ARHGAP42: variants seen among roughly 807,000 people sequenced by gnomAD.
ARHGAP42 encodes Rho GTPase activating protein 42.
In ARHGAP42, 63 loss-of-function variants were observed where a neutral mutation model predicts 125.0. The observed-to-expected ratio is 0.50, with a 90% CI of 0.41 to 0.62. The LOEUF is 0.62. Ranked by LOEUF, ARHGAP42 falls within the 20% of genes least tolerant of loss-of-function variation. The pLI is 0.00. For missense variants in ARHGAP42, 766 were observed against 1,024.2 expected, an observed-to-expected ratio of 0.75 and a Z score of 3.44; for synonymous variants, 339 against 351.0, an observed-to-expected ratio of 0.97 and a Z score of 0.38.
intron 1 of ARHGAP42, among the ~76,000 whole-genome samples, chr11:100,722,786 C>T (rs1861786243): frequency 6.6e-6 from 1 of 152,212 alleles, no homozygotes; most frequent in East Asian, 1.9e-4. Context: ...ACAGAACAGA[C>T]ATTTTCAATG....
chr11:100,719,077 A>C (rs755485618), intron 1 of ARHGAP42, among the ~76,000 whole-genome samples: 5 of 152,214 alleles, frequency 3.3e-5, no homozygotes, highest in Admixed American at 6.5e-5. Flanking sequence ...GATTACTGGG[A>C]AAATATTGGA....
chr11:100,905,997 C>T (rs905500262), intron 4 of ARHGAP42, among the ~76,000 whole-genome samples: 1 of 152,192 alleles, frequency 6.6e-6, no homozygotes, highest in African/African-American at 2.4e-5. Flanking sequence ...AATACCTTCT[C>T]CATTCCATTT....
intron 7 of ARHGAP42, among the ~76,000 whole-genome samples, chr11:100,933,600 G>A (rs932626091): frequency 2.6e-5 from 4 of 152,060 alleles, no homozygotes; most frequent in African/African-American, 9.7e-5. Flanking sequence ...GGTCTTAAAT[G>A]TTCTCAGCAT....
intron 4 of ARHGAP42, among the ~76,000 whole-genome samples, chr11:100,896,777 C>A (rs1866376519): frequency 6.6e-6 from 1 of 152,088 alleles, no homozygotes; most frequent in Non-Finnish European, 1.5e-5. Flanking sequence ...AATTTTCTTT[C>A]ATTCTGTAGG....
At chr11:100,723,458 T>A (rs1433367334) in intron 1 of ARHGAP42, among the ~76,000 whole-genome samples, 2 of 152,212 alleles carry the variant, frequency 1.3e-5, no homozygotes, top group Non-Finnish European at 2.9e-5. Flanking sequence ...TTTTCTTTCA[T>A]CAGAGGTTTC....
intron 2 of ARHGAP42, among the ~76,000 whole-genome samples, chr11:100,775,079 T>A (rs1011275901): frequency 6.6e-6 from 1 of 152,128 alleles, no homozygotes; most frequent in Non-Finnish European, 1.5e-5. Context: ...TTGCCCTCCC[T>A]TCTCTAAGGA....
At chr11:100,907,989 G>T (rs1866792586) in intron 4 of ARHGAP42, among the ~76,000 whole-genome samples, 2 of 152,088 alleles carry the variant, frequency 1.3e-5, no homozygotes, top group African/African-American at 4.8e-5. Context: ...AGTTGCTTGG[G>T]AAATTTCACA....
At chr11:100,975,470 C>A (rs938407028) in intron 19 of ARHGAP42, among the ~76,000 whole-genome samples, 1 of 152,032 alleles carries the variant, frequency 6.6e-6, no homozygotes, top group African/African-American at 2.4e-5. Flanking sequence ...GAAATAAAAC[C>A]AGCAAAATAG....
At chr11:100,850,455 A>T (rs1685803877) in intron 3 of ARHGAP42, among the ~76,000 whole-genome samples, 1 of 152,158 alleles carries the variant, frequency 6.6e-6, no homozygotes, top group African/African-American at 2.4e-5. Context: ...AGGTGACAGG[A>T]ATTCTTCAGC....
intron 13 of ARHGAP42, among the ~76,000 whole-genome samples, 188 bp downstream of exon 13, chr11:100,960,133 C>G (rs1293340795): frequency 6.6e-6 from 1 of 152,018 alleles, no homozygotes; most frequent in African/African-American, 2.4e-5. Context: ...AAAAATCATG[C>G]TTTAGGCATA....
intron 12 of ARHGAP42, among the ~76,000 whole-genome samples, chr11:100,951,545 T>C (rs997412304): frequency 6.6e-6 from 1 of 152,198 alleles, no homozygotes; most frequent in Non-Finnish European, 1.5e-5. Context: ...AAATCCTTCA[T>C]GGAAGACAAT....
Position 100,992,281 on chromosome 11 carries a change from G to C in ARHGAP42, c.*3480G>C. On this transcript the variant is annotated 3_prime_UTR_variant, in exon 24 of 24. Transcript: ENST00000298815. ...AACAGATTTTGTTCTTTGCTTTTAT[G>C]ATACATTTGTAACTCACAGCTGTTA... The C allele has an allele frequency of 6.5e-7, 1 of 1,550,362 alleles. No individual in the cohort carries two copies. The highest frequency in any genetic ancestry group is 8.7e-7 in the Non-Finnish European group (1 of 1,153,240).
Position 100,913,119 on chromosome 11 carries a change from A to G in ARHGAP42, c.385-333A>G, listed in dbSNP as rs1018546247. Among the ~76,000 whole-genome samples the G allele has an allele frequency of 5.7e-4, 87 of 152,254 alleles. 1 individual carries two copies. Among genetic ancestry groups the G allele is most frequent in the African/African-American group, 2.0e-3 (85 of 41,564 alleles). ...GGATCAGAATCTATTGTTAAGAGTCAATTATAGAGCTCTTGGTGGGACTCT... is the reference window on the plus strand; with the variant it reads ...GGATCAGAATCTATTGTTAAGAGTCGATTATAGAGCTCTTGGTGGGACTCT... On this transcript the variant is annotated intron_variant, in intron 4 of 23. Coordinates refer to ENST00000298815, the MANE Select transcript of ARHGAP42 (RefSeq NM_152432.4).
At chr11:100,816,074 C>T (rs989857459) in intron 3 of ARHGAP42, among the ~76,000 whole-genome samples, 8 of 152,048 alleles carry the variant, frequency 5.3e-5, no homozygotes, top group Non-Finnish European at 1.0e-4. Flanking sequence ...GGATTGCTTC[C>T]ACCTTTTAAC....
intron 6 of ARHGAP42, among the ~76,000 whole-genome samples, chr11:100,928,074 G>A (rs1449524835): frequency 6.6e-6 from 1 of 152,152 alleles, no homozygotes; most frequent in Non-Finnish European, 1.5e-5. Flanking sequence ...CCTTTAAGAT[G>A]TTTATCTCTA....
At chr11:100,739,450 A>G (rs1862133295) in intron 1 of ARHGAP42, among the ~76,000 whole-genome samples, 1 of 152,194 alleles carries the variant, frequency 6.6e-6, no homozygotes, top group South Asian at 2.1e-4. Flanking sequence ...AAGTAGATAT[A>G]CCATGCTTGT....
chr11:100,818,775 T>G (rs1428631497), intron 3 of ARHGAP42, among the ~76,000 whole-genome samples: 1 of 152,154 alleles, frequency 6.6e-6, no homozygotes, highest in Non-Finnish European at 1.5e-5. Flanking sequence ...TTTGTTTGTT[T>G]GTTTGTTTGT....
In ARHGAP42 at chr11:100,976,867, G is replaced by A. The variant is rs1436100109; in HGVS notation, c.2289G>A (p.Lys763=). ...SIQSLTSVGS[K]ETPKASPNPD... ...AAAGCTTAACTTCTGTAGGTTCCAAGGAGACACCCAAAGCTTCACCAAACC... is the reference window on the plus strand; with the variant it reads ...AAAGCTTAACTTCTGTAGGTTCCAAAGAGACACCCAAAGCTTCACCAAACC... Residue 763 remains lysine (K), a synonymous_variant, in exon 21 of 24, where the codon AAG becomes AAA. Transcript: ENST00000298815. 1 of 1,551,504 alleles carries A rather than the reference G, an allele frequency of 6.4e-7. No individual in the cohort carries two copies. The highest frequency in any genetic ancestry group is 2.0e-5 in the Admixed American group (1 of 50,982).
At chr11:100,747,896 A>T (rs1862341433) in intron 1 of ARHGAP42, among the ~76,000 whole-genome samples, 1 of 152,180 alleles carries the variant, frequency 6.6e-6, no homozygotes, top group Non-Finnish European at 1.5e-5. Flanking sequence ...TGTTGCAAAC[A>T]TCCCTTTCTC....
Sources: allele counts gnomAD v4.1 joint callset (sites outside exome capture counted in the v4.1 genomes callset), GRCh38; gene constraint gnomAD v4.1.1; transcripts MANE v1.5; gene names NCBI Gene and HGNC (gene_info 2026-07-23, HGNC 2026-07-21).